ZNF761: variants seen among roughly 807,000 people sequenced by gnomAD.
ZNF761 encodes zinc finger protein 761.
In ZNF761, 43 loss-of-function variants were observed where a neutral mutation model predicts 59.9. The observed-to-expected ratio is 0.72, with a 90% CI of 0.56 to 0.92. The LOEUF (loss-of-function observed/expected upper bound fraction) is 0.92. ZNF761 is among the 40% of genes least tolerant of loss of function. ZNF761 has a pLI of 0.00. For missense variants in ZNF761, 850 were observed against 906.1 expected (o/e 0.94, Z 0.79); for synonymous variants, 294 against 304.8 (o/e 0.96, Z 0.37).
intron 1 of ZNF761, among the ~76,000 whole-genome samples, chr19:53,435,633 T>C (rs2086033479): frequency 6.6e-6 from 1 of 152,030 alleles, no homozygotes; most frequent in African/African-American, 2.4e-5. Context: ...AGTGAGTCCT[T>C]GTACACTCAT....
At position 53,453,598 on chromosome 19, in the gene ZNF761, A is replaced by G. The variant is rs145857883; in HGVS notation, c.143-1052A>G. Reference sequence around the variant, plus strand: ...CTAGCTAATGTCACACAGTGCCACCAGATGCTGTGGCTCACACCTGCCATC... The same window carrying G: ...CTAGCTAATGTCACACAGTGCCACCGGATGCTGTGGCTCACACCTGCCATC... On this transcript the variant is annotated intron_variant, in intron 4 of 4. Coordinates refer to ENST00000684525, the MANE Select transcript of ZNF761 (RefSeq NM_001289951.2). Among the ~76,000 whole-genome samples, 491 of 152,324 alleles carry G rather than the reference A, an allele frequency of 3.2e-3. 2 individuals carry two copies. The highest frequency in any genetic ancestry group is 6.8e-3 in the Middle Eastern group (2 of 294).
chr19:53,440,761 G>A (rs1043175445), intron 1 of ZNF761, among the ~76,000 whole-genome samples: 29 of 152,190 alleles, frequency 1.9e-4, no homozygotes, highest in Non-Finnish European at 3.2e-4. Context: ...CTGCAGCCTC[G>A]ACCTCCTGGG....
chr19:53,437,574 C>T (rs1238404830), intron 1 of ZNF761, among the ~76,000 whole-genome samples: 2 of 152,140 alleles, frequency 1.3e-5, no homozygotes, highest in Non-Finnish European at 2.9e-5. Context: ...AAGGCTTCCT[C>T]TTTAAAATGC....
chr19:53,456,715 T>A lies in ZNF761; in HGVS notation c.2208T>A (p.His736Gln), dbSNP rs1331140211. Residue 736 changes from histidine (H) to glutamine (Q), a missense_variant, in exon 5 of 5, where the codon CAT becomes CAA. Physicochemically the swap from His to Gln is conservative, Grantham distance 24. Transcript: ENST00000684525. Reference protein sequence around the residue: ...TFSQKSNLTCHRRLHTGEKQV With the variant: ...TFSQKSNLTCQRRLHTGEKQV Reference sequence around the variant, plus strand: ...GTCAGAAGTCAAACCTTACATGCCATCGTAGACTTCATACTGGAGAAAAAC... The same window carrying A: ...GTCAGAAGTCAAACCTTACATGCCAACGTAGACTTCATACTGGAGAAAAAC... 14 of 1,613,752 alleles carry A rather than the reference T, an allele frequency of 8.7e-6. No homozygotes were observed. The highest frequency in any genetic ancestry group is 1.2e-5 in the Non-Finnish European group (14 of 1,179,888).
At chr19:53,454,353 AACT>A (rs1471963121) in intron 4 of ZNF761, among the ~76,000 whole-genome samples, 1 of 152,226 alleles carries the variant, frequency 6.6e-6, no homozygotes, top group Non-Finnish European at 1.5e-5. Flanking sequence ...GTTTTTTACA[AACT>A]GTTAGACACT....
At chr19:53,444,683 G>A (rs2147131054) in intron 1 of ZNF761, 1 of 152,354 alleles carries the variant, frequency 6.6e-6, no homozygotes, top group East Asian at 1.9e-4. Context: ...CTTTGTCTCT[G>A]TGTCTTATTT....
intron 1 of ZNF761, among the ~76,000 whole-genome samples, chr19:53,441,039 T>C (rs1380566412): frequency 1.3e-5 from 2 of 152,184 alleles, no homozygotes; most frequent in African/African-American, 4.8e-5. Context: ...CACAGCACTT[T>C]GGGAGACAGA....
chr19:53,441,971 G>A (rs1485263262), intron 1 of ZNF761: 16 of 1,391,118 alleles, frequency 1.2e-5, no homozygotes, highest in South Asian at 7.0e-5. Flanking sequence ...AGAAGCTGAG[G>A]GAAAAAGGTG....
intron 4 of ZNF761, among the ~76,000 whole-genome samples, chr19:53,454,409 A>G (rs553915749): frequency 6.6e-6 from 1 of 151,352 alleles, no homozygotes; most frequent in African/African-American, 2.5e-5. Flanking sequence ...TAGGCTACAC[A>G]TGTTTGTGCC....
chr19:53,452,752 C>T (rs942986179), intron 4 of ZNF761, among the ~76,000 whole-genome samples: 6 of 152,184 alleles, frequency 3.9e-5, no homozygotes, highest in African/African-American at 1.4e-4. Context: ...GAACAGGCAA[C>T]GAGCTCTTTA....
At chr19:53,445,971 G>A (rs1304845789) in intron 1 of ZNF761, among the ~76,000 whole-genome samples, 1 of 152,160 alleles carries the variant, frequency 6.6e-6, no homozygotes, top group East Asian at 1.9e-4. Context: ...CTCTGCCCCA[G>A]TCACATTTGC....
Position 53,456,120 on chromosome 19 carries a change from C to A in ZNF761, c.1613C>A (p.Thr538Asn). ...ACCTTTAGTTGGAAGTCATCCCTTA[C>A]CTGCCATCGTAGACTTCATTCTGGA... ...GKTFSWKSSL[T>N]CHRRLHSGEK... The change falls in exon 5 of 5, where the codon ACC becomes AAC. Residue 538 changes from threonine to asparagine, a missense_variant. By Grantham distance (65) the Thr-to-Asn change is moderately conservative. Transcript: ENST00000684525. 2 of 1,603,186 alleles carry A rather than the reference C, an allele frequency of 1.2e-6. No homozygotes were observed. The highest frequency in any genetic ancestry group is 1.7e-6 in the Non-Finnish European group (2 of 1,172,578).
chr19:53,453,399 T>G (rs566311122), intron 4 of ZNF761, among the ~76,000 whole-genome samples: 1 of 152,362 alleles, frequency 6.6e-6, no homozygotes, highest in South Asian at 2.1e-4. Context: ...GTGCTGGTTG[T>G]AAGTAGAAGT....
At chr19:53,432,322 C>T (rs1453303850) in intron 1 of ZNF761, among the ~76,000 whole-genome samples, 1 of 152,190 alleles carries the variant, frequency 6.6e-6, no homozygotes, top group African/African-American at 2.4e-5. Flanking sequence ...TTTTTAAAGT[C>T]CTCACCTGAG....
intron 4 of ZNF761, among the ~76,000 whole-genome samples, chr19:53,453,601 T>G (rs1230570944): frequency 1.3e-5 from 2 of 152,192 alleles, no homozygotes; most frequent in East Asian, 3.8e-4. Flanking sequence ...TGCCACCAGA[T>G]GCTGTGGCTC....
At chr19:53,433,752 TAA>T (rs1467845024) in intron 1 of ZNF761, among the ~76,000 whole-genome samples, 1 of 152,080 alleles carries the variant, frequency 6.6e-6, no homozygotes, top group Admixed American at 6.6e-5. Flanking sequence ...CACGGAGAGG[TAA>T]GAGGTAAGGG....
chr19:53,453,973 A>G (rs2086242431), intron 4 of ZNF761, among the ~76,000 whole-genome samples: 1 of 152,006 alleles, frequency 6.6e-6, no homozygotes, highest in South Asian at 2.1e-4. Flanking sequence ...AAAACATTGT[A>G]TTAACTTTTT....
At chr19:53,448,352 G>A (rs549623153) in intron 3 of ZNF761, among the ~76,000 whole-genome samples, 4 of 152,158 alleles carry the variant, frequency 2.6e-5, no homozygotes, top group Non-Finnish European at 5.9e-5. Flanking sequence ...ATCACATGAT[G>A]TATCCATTTG....
At chr19:53,453,702 C>T (rs1436073560) in intron 4 of ZNF761, among the ~76,000 whole-genome samples, 1 of 151,934 alleles carries the variant, frequency 6.6e-6, no homozygotes, top group Non-Finnish European at 1.5e-5. Flanking sequence ...GTGTTGAAAC[C>T]CTATTTCTAC....
Sources: gnomAD v4.1 joint callset for allele counts (sites outside exome capture counted in the v4.1 genomes callset) on GRCh38, gnomAD v4.1.1 for gene constraint, MANE v1.5 for transcripts, NCBI Gene and HGNC (gene_info 2026-07-23, HGNC 2026-07-21) for gene names.